NUP50: variants seen among roughly 807,000 people sequenced by gnomAD.
The protein encoded by NUP50 is nuclear pore complex protein Nup50.
A neutral mutation model predicts 36.8 loss-of-function variants in NUP50; 14 were observed. That is an observed-to-expected ratio of 0.38 (90% CI 0.25 to 0.59). The LOEUF is 0.59. Among genes scored for constraint, NUP50 ranks in the 20% least tolerant of loss-of-function variants. The pLI, the probability that NUP50 is intolerant of heterozygous loss-of-function variation, is 0.63. For missense variants in NUP50, 455 were observed against 564.6 expected, an observed-to-expected ratio of 0.81 and a Z score of 1.97; for synonymous variants, 195 against 210.8, an observed-to-expected ratio of 0.93 and a Z score of 0.65.
intron 6 of NUP50, among the ~76,000 whole-genome samples, chr22:45,181,832 C>G (rs1023911109): frequency 2.0e-5 from 3 of 152,182 alleles, no homozygotes; most frequent in African/African-American, 4.8e-5. Context: ...GCACAGTAAC[C>G]GTCCCTTCCT....
rs1173261567 is a variant in NUP50, at chr22:45,185,870, C to A, written c.*1215C>A. The A allele has an allele frequency of 2.3e-4, 34 of 150,702 alleles. 2 individuals carry two copies. The highest frequency in any genetic ancestry group is 2.3e-3 in the Admixed American group (34 of 15,106). The allele number at this position is 150,702 out of a possible 1,614,324, so 9.3% of individuals were successfully genotyped here. ...TTGAATGTTTAAATTTCCACTGAGT[C>A]CTCATGAATCATTTGAGACTAGTAC... On this transcript the variant is annotated 3_prime_UTR_variant, in exon 8 of 8. Transcript: ENST00000347635.
chr22:45,183,007 A>C (rs1203835593), intron 6 of NUP50, among the ~76,000 whole-genome samples: 1 of 125,606 alleles, frequency 8.0e-6, no homozygotes, highest in African/African-American at 3.0e-5. Flanking sequence ...TTTGTCCTTT[A>C]TTTGTTCCTG....
Position 45,175,918 on chromosome 22 carries a change from G to A in NUP50, c.178G>A (p.Gly60Ser). 6.2e-7 allele frequency: 1 copy of A among 1,614,052 alleles called. No homozygotes were observed. The highest frequency in any genetic ancestry group is 8.5e-7 in the Non-Finnish European group (1 of 1,179,972). Residue 60 changes from glycine to serine, a missense_variant, in exon 4 of 8, where the codon GGT becomes AGT. Physicochemically the swap from Gly to Ser is moderately conservative, Grantham distance 56 (BLOSUM62 0). Transcript: ENST00000347635. ...FESDTGGAFK[G>S]FKGLVVPSGG... ...GTCTGACACTGGAGGAGCCTTTAAA[G>A]GTTTTAAAGGTTTGGTGGTACCTTC...
At chr22:45,166,004 C>G (rs1462756973) in intron 1 of NUP50, 1 of 152,208 alleles carries the variant, frequency 6.6e-6, no homozygotes, top group Non-Finnish European at 1.5e-5. Context: ...CCCCAGCTCA[C>G]TGATCTAATG....
chr22:45,170,479 T>C (rs5766503), intron 2 of NUP50, among the ~76,000 whole-genome samples: 11,451 of 152,220 alleles, frequency 0.075, 721 homozygotes, highest in East Asian at 0.16. Context: ...AAGAAAAATG[T>C]TAAAACTGCA....
chr22:45,171,302 T>G, intron 2 of NUP50: 1 of 609,890 alleles, frequency 1.6e-6, no homozygotes, highest in Non-Finnish European at 2.4e-6. Context: ...AGGGTTCAAG[T>G]GATTCTCCTG....
chr22:45,165,644 A>C lies in NUP50; in HGVS notation c.-11+1348A>C, dbSNP rs545453580. On this transcript the variant is annotated intron_variant, in intron 1 of 7. Transcript: ENST00000347635. ...GAAGTGTCATGCTTTGAAATAAAAT[A>C]GGGATTTGGTAAAATATTTGTAAAA... 2.0e-5 allele frequency among the ~76,000 whole-genome samples: 3 copies of C among 152,364 alleles called. No homozygotes were observed. The East Asian group carries it at 5.8e-4, about 29-fold the overall frequency.
chr22:45,168,975 C>T (rs2074141170), intron 2 of NUP50, among the ~76,000 whole-genome samples: 1 of 148,256 alleles, frequency 6.7e-6, no homozygotes, highest in Non-Finnish European at 1.5e-5. Context: ...AACCTCGGCT[C>T]ACTGCAACTT....
At position 45,168,198 on chromosome 22, in the gene NUP50, G is replaced by C. The variant is rs754630372; in HGVS notation, c.21G>C (p.Glu7Asp). ...AAAACATGGCCAAAAGAAATGCCGA[G>C]AAGGAACTGACAGATAGGAATTGGG... MAKRNA[E>D]KELTDRNWDQ... The change falls in exon 2 of 8, where the codon GAG becomes GAC. Residue 7 changes from glutamate (E) to aspartate (D), a missense_variant. Physicochemically the swap from Glu to Asp is conservative, Grantham distance 45 (BLOSUM62 2). This residue lies in a region of NUP50 where 166 missense variants were observed against 202.8 expected (regional missense o/e 0.82). Coordinates refer to ENST00000347635, the MANE Select transcript of NUP50 (RefSeq NM_007172.4). The C allele has an allele frequency of 6.2e-7, 1 of 1,611,738 alleles. No homozygotes were observed. The highest frequency in any genetic ancestry group is 1.1e-5 in the South Asian group (1 of 90,302).
At position 45,170,895 on chromosome 22, in the gene NUP50, C is replaced by T. The variant is rs1408338679; in HGVS notation, c.70-705C>T. 5.4e-6 allele frequency: 5 copies of T among 925,590 alleles called. No individual in the cohort carries two copies. The African/African-American group carries it at 8.8e-5, about 16-fold the overall frequency. 57.3% of individuals were successfully genotyped at this position (925,590 alleles called of 1,614,324 possible). The stretch of plus-strand genomic sequence containing the variant: ...GGCAAGTGCAGCCAGATGGTCCCCT[C>T]TATGAGTGTAGGAGCCCGTTAAGTT... On this transcript the variant is annotated intron_variant, in intron 2 of 7. Coordinates refer to ENST00000347635, the MANE Select transcript of NUP50 (RefSeq NM_007172.4).
chr22:45,167,814 G>A (rs1411087636), intron 1 of NUP50, among the ~76,000 whole-genome samples: 1 of 152,166 alleles, frequency 6.6e-6, no homozygotes, highest in African/African-American at 2.4e-5. Flanking sequence ...CGTAGAATAA[G>A]TTAAGGACTT....
intron 6 of NUP50, 141 bp from the exon 7 acceptor site, chr22:45,183,261 A>G: frequency 1.7e-6 from 1 of 587,308 alleles, no homozygotes; most frequent in South Asian, 2.5e-5. Flanking sequence ...CTCTGTTTGG[A>G]TCAATTAAAG....
At chr22:45,168,420 A>T (rs914490364) in intron 2 of NUP50, among the ~76,000 whole-genome samples, 174 bp downstream of exon 2, 1 of 152,078 alleles carries the variant, frequency 6.6e-6, no homozygotes, top group Non-Finnish European at 1.5e-5. Flanking sequence ...TATTAATTAC[A>T]TTTCTGTGAC....
intron 6 of NUP50, among the ~76,000 whole-genome samples, 199 bp downstream of exon 6, chr22:45,181,566 TCA>T (rs1188557150): frequency 6.6e-6 from 1 of 152,154 alleles, no homozygotes; most frequent in Non-Finnish European, 1.5e-5. Flanking sequence ...TGGGCAGGTC[TCA>T]CTCTTTTCTG....
Position 45,186,648 on chromosome 22 carries a change from T to C in NUP50, c.*1993T>C, listed in dbSNP as rs1161242919. 6.6e-6 allele frequency: 1 copy of C among 152,640 alleles called. No individual in the cohort carries two copies. Among genetic ancestry groups the C allele is most frequent in the East Asian group, 1.9e-4 (1 of 5,204 alleles). 9.5% of individuals were successfully genotyped at this position (152,640 alleles called of 1,614,324 possible). A position where few individuals can be genotyped will look rare whatever the true frequency, so the allele number is the denominator to read the frequency against. ...AACCTGCCCTTCTGTAAAAAATAGT[T>C]TATATATTTTTAAATTAGTAGGTAT... On this transcript the variant is annotated 3_prime_UTR_variant, in exon 8 of 8. Coordinates refer to ENST00000347635, the MANE Select transcript of NUP50 (RefSeq NM_007172.4).
chr22:45,165,062 G>A (rs2074073883), intron 1 of NUP50: 2 of 152,182 alleles, frequency 1.3e-5, no homozygotes, highest in African/African-American at 4.8e-5. Context: ...ATGTTGACAA[G>A]TTGAGCTTTC....
In NUP50 at chr22:45,187,836, C is replaced by G. The variant is rs531253547; in HGVS notation, c.*3181C>G. ...CAATTGTAATGGAGATGTAAAACTTCTTAGCAATCAGATGGATAAATTGTT... is the reference window on the plus strand; with the variant it reads ...CAATTGTAATGGAGATGTAAAACTTGTTAGCAATCAGATGGATAAATTGTT... On this transcript the variant is annotated 3_prime_UTR_variant, in exon 8 of 8. Transcript: ENST00000347635. 6.5e-6 allele frequency: 1 copy of G among 152,748 alleles called. No homozygotes were observed. Among genetic ancestry groups the G allele is most frequent in the South Asian group, 2.1e-4 (1 of 4,832 alleles). The allele number at this position is 152,748 out of a possible 1,614,324, so 9.5% of individuals were successfully genotyped here.
intron 6 of NUP50, among the ~76,000 whole-genome samples, chr22:45,183,165 T>C (rs1022481232): frequency 6.6e-6 from 1 of 151,934 alleles, no homozygotes; most frequent in Admixed American, 6.6e-5. Flanking sequence ...ATAAAAAGTT[T>C]CATGGGGCCC....
chr22:45,167,531 A>C (rs8140264), intron 1 of NUP50, among the ~76,000 whole-genome samples: 8 of 152,014 alleles, frequency 5.3e-5, no homozygotes, highest in African/African-American at 1.9e-4. Context: ...TTGAAAGGTT[A>C]TAAGTTCCCA....
Sources: allele counts gnomAD v4.1 joint callset (sites outside exome capture counted in the v4.1 genomes callset), GRCh38; gene constraint gnomAD v4.1.1; regional missense constraint gnomAD v4.1.1; transcripts MANE v1.5; gene names NCBI Gene and HGNC (gene_info 2026-07-23, HGNC 2026-07-21).